Variants in USP6NL observed in about 807,000 individuals in gnomAD.
The protein encoded by USP6NL is USP6 N-terminal like.
Under a neutral mutation model 61.9 loss-of-function variants are expected in USP6NL, and 26 were observed. The observed-to-expected ratio is 0.42, with a 90% confidence interval of 0.31 to 0.58. The LOEUF (loss-of-function observed/expected upper bound fraction) is 0.58, where lower values mean the gene tolerates loss of function less well. USP6NL is among the 20% of genes least tolerant of loss of function. USP6NL has a pLI of 0.16. For missense variants in USP6NL, 1,114 were observed against 1,034.3 expected, an observed-to-expected ratio of 1.08 and a Z score of -1.06; for synonymous variants, 432 against 390.1, an observed-to-expected ratio of 1.11 and a Z score of -1.27.
Position 11,599,770 on chromosome 10 carries a change from G to A in USP6NL, c.-83-2053C>T, listed in dbSNP as rs142459878. Among the ~76,000 whole-genome samples the A allele has an allele frequency of 1.2e-4, 16 of 135,692 alleles. No homozygotes were observed. In the East Asian group the frequency reaches 3.2e-3, roughly 27 times the overall value. The allele number at this position is 135,692 out of a possible 152,430, so 89.0% of individuals were successfully genotyped here. On this transcript the variant is annotated intron_variant, in intron 1 of 14. Transcript: ENST00000609104. Reference sequence around the variant, plus strand: ...TTTTGAGACGTAGTCTCGCTCTGTCGCCCAGGTTGGAGTGCAGTAGCTGGG... The same window carrying A: ...TTTTGAGACGTAGTCTCGCTCTGTCACCCAGGTTGGAGTGCAGTAGCTGGG...
chr10:11,524,925 T>A (rs751862001), intron 4 of USP6NL, among the ~76,000 whole-genome samples: 2 of 152,176 alleles, frequency 1.3e-5, no homozygotes, highest in Admixed American at 1.3e-4. Context: ...ATATTCAGGA[T>A]GAATGGAATT....
In USP6NL at chr10:11,490,224, G is replaced by C. The variant is rs972982538; in HGVS notation, c.543+608C>G. On this transcript the variant is annotated intron_variant, in intron 9 of 14. Transcript: ENST00000609104. This position sits in a 1 kb window ranked among gnomAD's most constrained non-coding sequence, Gnocchi z 4.5. ...GAAATTATACATCCCAAGGTTCAAA[G>C]GTCCTCCCTGGGACCTAGTCAACAA... Among the ~76,000 whole-genome samples the C allele has an allele frequency of 1.3e-5, 2 of 152,170 alleles. No individual in the cohort carries two copies. Among genetic ancestry groups the C allele is most frequent in the Non-Finnish European group, 2.9e-5 (2 of 68,028 alleles).
chr10:11,514,906 C>T (rs1012475734), intron 5 of USP6NL, among the ~76,000 whole-genome samples: 11 of 152,210 alleles, frequency 7.2e-5, no homozygotes, highest in Admixed American at 5.9e-4. Context: ...CTCTCCATTA[C>T]CTCTACTAGC....
Position 11,463,181 on chromosome 10 carries a change from G to A in USP6NL, c.1747C>T (p.Pro583Ser). ...YSQSPRHALY[P>S]PSPRKHAEPS... Reference sequence around the variant, plus strand: ...TCAGCGTGCTTTCTCGGGCTAGGAGGGTAAAGGGCATGCCGGGGGCTCTGG... The same window carrying A: ...TCAGCGTGCTTTCTCGGGCTAGGAGAGTAAAGGGCATGCCGGGGGCTCTGG... Residue 583 changes from proline to serine, a missense_variant, in exon 15 of 15, where the codon CCT (proline) becomes TCT (serine). Coordinates refer to ENST00000609104, the MANE Select transcript of USP6NL (RefSeq NM_014688.5). The surrounding 1 kb of genome is among the most constrained non-coding windows in gnomAD (Gnocchi z 6.3). 2 of 1,613,668 alleles carry A rather than the reference G, an allele frequency of 1.2e-6. No homozygotes were observed. The highest frequency in any genetic ancestry group is 1.7e-6 in the Non-Finnish European group (2 of 1,179,896).
At position 11,593,963 on chromosome 10, in the gene USP6NL, T is replaced by C. The variant is rs1838238837; in HGVS notation, c.4+3668A>G. ...TCTAACCAGATATACAAATATCCAA[T>C]CTTTCTTTTAATCTCCAGAAAAATA... On this transcript the variant is annotated intron_variant, in intron 2 of 14. Coordinates refer to ENST00000609104, the MANE Select transcript of USP6NL (RefSeq NM_014688.5). Among the ~76,000 whole-genome samples, 3 of 152,148 alleles carry C rather than the reference T, an allele frequency of 2.0e-5. No individual in the cohort carries two copies. The South Asian group carries it at 6.2e-4, about 32-fold the overall frequency.
At chr10:11,509,017 A>T (rs1207401665) in intron 6 of USP6NL, among the ~76,000 whole-genome samples, 3 of 152,218 alleles carry the variant, frequency 2.0e-5, no homozygotes. Context: ...CTGTTTAAAG[A>T]CTTTTCTGAT....
At chr10:11,552,696 C>A (rs1332910077) in intron 2 of USP6NL, among the ~76,000 whole-genome samples, 1 of 152,230 alleles carries the variant, frequency 6.6e-6, no homozygotes, top group African/African-American at 2.4e-5. Context: ...ATCCACTAAA[C>A]ATATTCTTAG....
intron 7 of USP6NL, among the ~76,000 whole-genome samples, chr10:11,497,032 C>G (rs1262532595): frequency 6.7e-6 from 1 of 149,664 alleles, no homozygotes; most frequent in Non-Finnish European, 1.5e-5. Flanking sequence ...AAAGGTGGTT[C>G]AGAAGATATT....
rs1833532359 is a variant in USP6NL at position 11,487,754 on chromosome 10, A to C, written c.664+1348T>G. Reference sequence around the variant, plus strand: ...CCATGCAGATGATATTTGTTAAGTAATTGGCAAGAAACACTAAGGGAGAAA... The same window carrying C: ...CCATGCAGATGATATTTGTTAAGTACTTGGCAAGAAACACTAAGGGAGAAA... On this transcript the variant is annotated intron_variant, in intron 10 of 14. Coordinates refer to ENST00000609104, the MANE Select transcript of USP6NL (RefSeq NM_014688.5). The surrounding 1 kb of genome is among the most constrained non-coding windows in gnomAD (Gnocchi z 4.2). Among the ~76,000 whole-genome samples, 1 of 152,214 alleles carries C rather than the reference A, an allele frequency of 6.6e-6. No homozygotes were observed. The highest frequency in any genetic ancestry group is 2.1e-4 in the South Asian group (1 of 4,824).
In USP6NL at chr10:11,602,309, A is replaced by AT. The variant is rs1488892085; in HGVS notation, c.-83-4593dup. On this transcript the variant is annotated intron_variant, in intron 1 of 14. Transcript: ENST00000609104. The surrounding 1 kb of genome is among the most constrained non-coding windows in gnomAD (Gnocchi z 4.8). The stretch of plus-strand genomic sequence containing the variant: ...AAGGCTATAACTCAATACTTAAATG[A>AT]TTAATGTTCTGTTTTTAAATTTAAA... Among the ~76,000 whole-genome samples the AT allele has an allele frequency of 4.6e-5, 7 of 152,220 alleles. No homozygotes were observed. Among genetic ancestry groups the AT allele is most frequent in the Admixed American group, 2.0e-4 (3 of 15,280 alleles).
intron 2 of USP6NL, among the ~76,000 whole-genome samples, chr10:11,538,949 T>C (rs1835940862): frequency 2.0e-5 from 3 of 152,204 alleles, no homozygotes; most frequent in Admixed American, 6.5e-5. Flanking sequence ...AGGCTCCCTT[T>C]CGTTGTGGAA....
intron 2 of USP6NL, among the ~76,000 whole-genome samples, chr10:11,555,954 T>C (rs538197529): frequency 2.6e-5 from 4 of 152,244 alleles, no homozygotes; most frequent in South Asian, 4.1e-4. Flanking sequence ...TTCCAGATAA[T>C]GCCTGAGATA....
intron 10 of USP6NL, among the ~76,000 whole-genome samples, chr10:11,486,113 A>G (rs1450781085): frequency 7.3e-5 from 11 of 151,684 alleles, no homozygotes; most frequent in Admixed American, 3.9e-4. Context: ...TTTGTTTGCT[A>G]AAGATCTTCT....
At chr10:11,484,905 T>C (rs1292412562) in intron 13 of USP6NL, 66 bp downstream of exon 13, 2 of 1,268,636 alleles carry the variant, frequency 1.6e-6, no homozygotes, top group Non-Finnish European at 2.1e-6. Context: ...GGGTGGGGAA[T>C]GAGAAATCAA....
At chr10:11,544,493 CT>C (rs1184430647) in intron 2 of USP6NL, among the ~76,000 whole-genome samples, 42 of 146,992 alleles carry the variant, frequency 2.9e-4, no homozygotes, top group Admixed American at 4.1e-4. Flanking sequence ...TCTCTCTTTT[CT>C]TTTTTTTTTT....
In USP6NL at chr10:11,509,662, TC is replaced by T; in HGVS notation, c.208del (p.Glu70LysfsTer9). On this transcript the variant is annotated frameshift_variant, in exon 6 of 15. Coordinates refer to ENST00000609104, the MANE Select transcript of USP6NL (RefSeq NM_014688.5). LOFTEE classifies it high-confidence loss of function. ...NVAVERQKHL[E>X]IERTTKWLKM... ...CAGCCATTTGGTAGTTCTTTCAATTTCCAGGTGCTTTTGCTAAAATAAAATT... is the reference window on the plus strand; with the variant it reads ...CAGCCATTTGGTAGTTCTTTCAATTTCAGGTGCTTTTGCTAAAATAAAATT... The T allele has an allele frequency of 6.4e-7, 1 of 1,564,612 alleles. No individual in the cohort carries two copies. The highest frequency in any genetic ancestry group is 1.2e-5 in the South Asian group (1 of 84,108).
rs1371964525 is a variant in USP6NL at position 11,596,388 on chromosome 10, G to C, written c.4+1243C>G. ...TGTAATCCCAGCATTTTGGGAGGCT[G>C]AGGCGGGCGGATCACAAGGTCAGGA... On this transcript the variant is annotated intron_variant, in intron 2 of 14. Coordinates refer to ENST00000609104, the MANE Select transcript of USP6NL (RefSeq NM_014688.5). The surrounding 1 kb of genome is among the most constrained non-coding windows in gnomAD (Gnocchi z 4.1). 1.3e-5 allele frequency among the ~76,000 whole-genome samples: 2 copies of C among 152,152 alleles called. No individual in the cohort carries two copies. The highest frequency in any genetic ancestry group is 1.5e-5 in the Non-Finnish European group (1 of 68,004).
At position 11,463,139 on chromosome 10, in the gene USP6NL, A is replaced by C; in HGVS notation, c.1789T>G (p.Ser597Ala). Residue 597 changes from serine to alanine, a missense_variant, in exon 15 of 15, where the codon TCA becomes GCA. Transcript: ENST00000609104. This position sits in a 1 kb window ranked among gnomAD's most constrained non-coding sequence, Gnocchi z 6.3. Reference protein sequence around the residue: ...RKHAEPSSSPSKVSNKFTFKV... With the variant: ...RKHAEPSSSPAKVSNKFTFKV... Reference sequence around the variant, plus strand: ...AAAGTAAACTTGTTGGATACTTTTGATGGACTAGAACTTGGCTCAGCGTGC... The same window carrying C: ...AAAGTAAACTTGTTGGATACTTTTGCTGGACTAGAACTTGGCTCAGCGTGC... The C allele has an allele frequency of 6.2e-7, 1 of 1,613,956 alleles. No homozygotes were observed. Among genetic ancestry groups the C allele is most frequent in the Non-Finnish European group, 8.5e-7 (1 of 1,179,886 alleles).
chr10:11,536,783 T>C (rs1318061816), intron 2 of USP6NL, among the ~76,000 whole-genome samples: 1 of 152,204 alleles, frequency 6.6e-6, no homozygotes, highest in Non-Finnish European at 1.5e-5. Context: ...ATTAAACAAA[T>C]GCCTTTTCAA....
Sources: allele counts gnomAD v4.1 joint callset (sites outside exome capture counted in the v4.1 genomes callset), GRCh38; gene constraint gnomAD v4.1.1; non-coding constraint Gnocchi (gnomAD v3.1); transcripts MANE v1.5; gene names NCBI Gene and HGNC (gene_info 2026-07-23, HGNC 2026-07-21).